Variants in GLIS3 observed in about 807,000 individuals in gnomAD.
The protein encoded by GLIS3 is GLIS family zinc finger 3.
GLIS3 carries 53 observed loss-of-function variants against 78.6 expected under a neutral mutation model. The ratio of observed to expected loss-of-function variants is 0.67; its 90% confidence interval spans 0.54 to 0.85. The LOEUF is 0.85. Ranked by LOEUF, GLIS3 falls within the 40% of genes least tolerant of loss-of-function variation. The pLI is 0.00. For synonymous variants in GLIS3, 684 were observed against 509.9 expected (o/e 1.34, Z -4.60); for missense variants, 1,703 against 1,231.1 (o/e 1.38, Z -5.74).
At chr9:4,354,890 G>T in the GLIS3 span, among the ~76,000 whole-genome samples, 1 of 152,152 alleles carries the variant, frequency 6.6e-6, no homozygotes, top group South Asian at 2.1e-4. Context: ...GCCGAGGTGG[G>T]CGGATCACTA....
At chr9:4,432,849 C>G in the GLIS3 span, among the ~76,000 whole-genome samples, 12 of 152,088 alleles carry the variant, frequency 7.9e-5, no homozygotes, top group African/African-American at 2.9e-4. Flanking sequence ...TCACGTTGCC[C>G]AGTCTGGTCT....
At chr9:4,326,211 A>C (rs1437724893) in intron 2 of GLIS3, among the ~76,000 whole-genome samples, 2 of 152,218 alleles carry the variant, frequency 1.3e-5, no homozygotes, top group Non-Finnish European at 2.9e-5. Context: ...ACTTAAAATA[A>C]AAGTTGAAGA....
intron 2 of GLIS3, among the ~76,000 whole-genome samples, chr9:4,327,667 C>G (rs1309173118): frequency 6.6e-6 from 1 of 152,202 alleles, no homozygotes; most frequent in Admixed American, 6.5e-5. Context: ...GTCAGTGCCA[C>G]CACATCACAC....
intron 4 of GLIS3, among the ~76,000 whole-genome samples, chr9:4,094,930 T>C (rs1829820149): frequency 6.6e-6 from 1 of 152,174 alleles, no homozygotes; most frequent in African/African-American, 2.4e-5. Context: ...TACATATTCA[T>C]GGAGCACATA....
intron 4 of GLIS3, among the ~76,000 whole-genome samples, chr9:4,020,903 A>T (rs1822831148): frequency 6.6e-6 from 1 of 152,144 alleles, no homozygotes; most frequent in Non-Finnish European, 1.5e-5. Flanking sequence ...ACTCACCACA[A>T]ATCAACTTCC....
intron 2 of GLIS3, among the ~76,000 whole-genome samples, chr9:4,234,025 C>G (rs745788481): frequency 2.6e-5 from 4 of 152,184 alleles, no homozygotes; most frequent in Non-Finnish European, 5.9e-5. Flanking sequence ...CTTTGTAACA[C>G]TGAAGAGAGT....
At chr9:4,392,553 C>T in the GLIS3 span, among the ~76,000 whole-genome samples, 2 of 152,242 alleles carry the variant, frequency 1.3e-5, no homozygotes, top group Admixed American at 1.3e-4. Flanking sequence ...TTCACTATGG[C>T]CCCAAACCTT....
At chr9:3,936,808 A>C (rs962982766) in intron 5 of GLIS3, among the ~76,000 whole-genome samples, 1 of 152,186 alleles carries the variant, frequency 6.6e-6, no homozygotes, top group Non-Finnish European at 1.5e-5. Context: ...CTTCTGTCCC[A>C]GGAGGTTGTA....
chr9:3,991,830 A>G (rs1820306175), intron 4 of GLIS3, among the ~76,000 whole-genome samples: 1 of 151,764 alleles, frequency 6.6e-6, no homozygotes, highest in Non-Finnish European at 1.5e-5. Flanking sequence ...AGCTGGGACT[A>G]CAGGCGCCTG....
chr9:4,053,412 G>A (rs892270890), intron 4 of GLIS3, among the ~76,000 whole-genome samples: 1 of 152,034 alleles, frequency 6.6e-6, no homozygotes, highest in African/African-American at 2.4e-5. Flanking sequence ...CAGGCACTTT[G>A]CTGACATCAT....
intron 2 of GLIS3, among the ~76,000 whole-genome samples, chr9:4,321,231 T>C (rs973053017): frequency 2.3e-4 from 33 of 142,940 alleles, no homozygotes; most frequent in East Asian, 1.5e-3. Flanking sequence ...CCATCCTGGC[T>C]AACACGGTGA....
chr9:4,433,991 G>A, the GLIS3 span, among the ~76,000 whole-genome samples: 2 of 151,874 alleles, frequency 1.3e-5, no homozygotes, highest in South Asian at 4.2e-4. Flanking sequence ...AGCTACTTGG[G>A]AGGCTGAGGC....
At chr9:4,375,204 G>T in the GLIS3 span, among the ~76,000 whole-genome samples, 351 of 152,278 alleles carry the variant, frequency 2.3e-3, no homozygotes, top group African/African-American at 8.2e-3. Flanking sequence ...TTCAAAAGAG[G>T]TTTGAAGGGA....
chr9:4,011,193 T>G (rs1821976018), intron 4 of GLIS3, among the ~76,000 whole-genome samples: 1 of 152,064 alleles, frequency 6.6e-6, no homozygotes, highest in South Asian at 2.1e-4. Context: ...ACAGCAGATG[T>G]TCAAATAAAT....
In GLIS3 at chr9:3,883,082, A is replaced by G. The variant is rs559482449; in HGVS notation, c.2129-3487T>C. Among the ~76,000 whole-genome samples the G allele has an allele frequency of 4.2e-4, 64 of 152,250 alleles. 1 individual carries two copies. The South Asian group carries it at 0.011, about 26-fold the overall frequency. ...AACATTTATCCAATCCCCATCTCAC[A>G]TACCCTTCAAAAAAAATGGACAACA... On this transcript the variant is annotated intron_variant, in intron 7 of 10. Coordinates refer to ENST00000381971, the MANE Select transcript of GLIS3 (RefSeq NM_001042413.2).
the GLIS3 span, among the ~76,000 whole-genome samples, chr9:4,411,288 G>A: frequency 6.6e-6 from 1 of 152,072 alleles, no homozygotes; most frequent in Admixed American, 6.6e-5. Flanking sequence ...GTGCAAACAT[G>A]CCATTTAGAT....
intron 2 of GLIS3, among the ~76,000 whole-genome samples, chr9:4,344,248 A>C (rs1817873231): frequency 6.6e-6 from 1 of 150,908 alleles, no homozygotes; most frequent in African/African-American, 2.4e-5. Context: ...CTTCCCTCCC[A>C]CCCCCACTAC....
the GLIS3 span, among the ~76,000 whole-genome samples, chr9:4,399,024 T>G: frequency 6.6e-6 from 1 of 152,216 alleles, no homozygotes; most frequent in Admixed American, 6.5e-5. Flanking sequence ...TCTGCTCTGC[T>G]TTCATATATT....
chr9:4,119,470 G>C lies in GLIS3; in HGVS notation c.597-589C>G, dbSNP rs1414416754. On this transcript the variant is annotated intron_variant, in intron 3 of 10. Transcript: ENST00000381971. ...AAGGAATTACTCTGATTTTTTTAAA[G>C]ATAGTAATTCACATTGCCAGTAATT... Among the ~76,000 whole-genome samples the C allele has an allele frequency of 2.0e-5, 3 of 152,182 alleles. No individual in the cohort carries two copies. The South Asian group carries it at 6.2e-4, about 32-fold the overall frequency.
Sources: allele counts gnomAD v4.1 joint callset (sites outside exome capture counted in the v4.1 genomes callset), GRCh38; gene constraint gnomAD v4.1.1; transcripts MANE v1.5; gene names NCBI Gene and HGNC (gene_info 2026-07-23, HGNC 2026-07-21).